GLT1D1: variants seen among roughly 807,000 people sequenced by gnomAD.
GLT1D1 encodes glycosyltransferase 1 domain containing 1, also known as glycosyltransferase 1 domain-containing protein 1.
GLT1D1 carries 21 observed loss-of-function variants against 28.7 expected under a neutral mutation model. That is an observed-to-expected ratio of 0.73 (90% CI 0.52 to 1.05). The LOEUF (loss-of-function observed/expected upper bound fraction) is 1.05. GLT1D1 is among the 50% of genes least tolerant of loss of function. The pLI, the probability that GLT1D1 is intolerant of heterozygous loss-of-function variation, is 0.00. For missense variants in GLT1D1, 343 were observed against 330.6 expected (o/e 1.04, Z -0.29); for synonymous variants, 147 against 124.8 (o/e 1.18, Z -1.19).
chr12:128,908,323 C>CTTCTTTCTTTCTTTCTTTCT (rs200053987), intron 4 of GLT1D1, among the ~76,000 whole-genome samples: 1,868 of 147,048 alleles, frequency 0.013, 24 homozygotes, highest in South Asian at 0.018. Flanking sequence ...TTTTACTTTC[C>CTTCTTTCTTTCTTTCTTTCT]TTCTTTCTTT....
intron 7 of GLT1D1, among the ~76,000 whole-genome samples, chr12:128,977,017 A>G (rs1266633770): frequency 6.6e-6 from 1 of 152,198 alleles, no homozygotes; most frequent in Non-Finnish European, 1.5e-5. Context: ...GTGGTGGCAC[A>G]AGCCTGTAAT....
chr12:128,912,434 A>C, intron 4 of GLT1D1: 2 of 1,527,128 alleles, frequency 1.3e-6, no homozygotes, highest in South Asian at 2.4e-5. Context: ...CCGCATGCTA[A>C]GGGTAAGGTC....
chr12:128,904,994 C>CTGTTGGCCAGG (rs1870701918), intron 4 of GLT1D1, among the ~76,000 whole-genome samples: 12 of 152,148 alleles, frequency 7.9e-5, no homozygotes, highest in Admixed American at 2.0e-4. Flanking sequence ...GTCTCGAACT[C>CTGTTGGCCAGG]CTGACCTCAA....
At chr12:128,943,355 CTTT>C (rs71449377) in intron 4 of GLT1D1, among the ~76,000 whole-genome samples, 1 of 144,822 alleles carries the variant, frequency 6.9e-6, no homozygotes, top group Admixed American at 6.9e-5. Context: ...TCTTTTCTCT[CTTT>C]TTTTTTTTTG....
intron 1 of GLT1D1, among the ~76,000 whole-genome samples, chr12:128,869,340 T>C (rs2135780789): frequency 6.6e-6 from 1 of 152,198 alleles, no homozygotes; most frequent in East Asian, 1.9e-4. Context: ...TGGCTACTTT[T>C]TGTATTTTTT....
At chr12:128,886,445 AG>A (rs1234375906) in intron 2 of GLT1D1, among the ~76,000 whole-genome samples, 1 of 152,098 alleles carries the variant, frequency 6.6e-6, no homozygotes, top group Non-Finnish European at 1.5e-5. Context: ...AGGCGGTGAC[AG>A]GGGAGCCTGT....
intron 4 of GLT1D1, among the ~76,000 whole-genome samples, chr12:128,937,944 G>A (rs904527795): frequency 6.6e-6 from 1 of 152,180 alleles, no homozygotes; most frequent in Non-Finnish European, 1.5e-5. Context: ...AACAGTGCGA[G>A]AACAGACGAA....
intron 4 of GLT1D1, among the ~76,000 whole-genome samples, chr12:128,935,416 C>G (rs1874444173): frequency 6.6e-6 from 1 of 151,906 alleles, no homozygotes; most frequent in Non-Finnish European, 1.5e-5. Context: ...TGGCACATGC[C>G]TGTAATCCCA....
intron 3 of GLT1D1, among the ~76,000 whole-genome samples, chr12:128,890,650 T>C (rs1013444124): frequency 3.3e-5 from 5 of 151,346 alleles, no homozygotes; most frequent in Admixed American, 3.3e-4. Context: ...CTGGGTGTGG[T>C]GGTGGGTACC....
At chr12:128,891,950 A>ATAT (rs1869110068) in intron 3 of GLT1D1, among the ~76,000 whole-genome samples, 1 of 152,078 alleles carries the variant, frequency 6.6e-6, no homozygotes, top group African/African-American at 2.4e-5. Flanking sequence ...TCTTAGGGAG[A>ATAT]TGTGAGACAT....
chr12:128,969,012 T>C (rs1878762286), intron 7 of GLT1D1, among the ~76,000 whole-genome samples: 1 of 152,084 alleles, frequency 6.6e-6, no homozygotes, highest in Non-Finnish European at 1.5e-5. Flanking sequence ...CATCTCCTTG[T>C]CTGTCTCTGT....
chr12:128,965,156 A>G (rs1878329106), intron 7 of GLT1D1, among the ~76,000 whole-genome samples: 1 of 152,226 alleles, frequency 6.6e-6, no homozygotes, highest in African/African-American at 2.4e-5. Flanking sequence ...AATCAAAGAT[A>G]TGAACTGTGT....
At chr12:128,920,514 A>G (rs988278456) in intron 4 of GLT1D1, among the ~76,000 whole-genome samples, 12 of 152,194 alleles carry the variant, frequency 7.9e-5, no homozygotes, top group African/African-American at 2.9e-4. Flanking sequence ...AGATTGCGGC[A>G]TTGCACTCCA....
At chr12:128,907,662 G>A (rs547653968) in intron 4 of GLT1D1, among the ~76,000 whole-genome samples, 25 of 152,294 alleles carry the variant, frequency 1.6e-4, no homozygotes, top group African/African-American at 5.8e-4. Context: ...TTTCTGGATG[G>A]AACTGCAAAT....
intron 7 of GLT1D1, among the ~76,000 whole-genome samples, chr12:128,968,371 A>G (rs1173242602): frequency 1.3e-5 from 2 of 151,450 alleles, no homozygotes; most frequent in Admixed American, 6.6e-5. Context: ...GTGGACTAAT[A>G]ATAATACAAG....
Position 128,858,670 on chromosome 12 carries a change from CAA to C in GLT1D1, c.68+5036_68+5037del, listed in dbSNP as rs139166927. ...TGGGCAACAGAGGGGGACTCAGTCT[CAA>C]AAAAAAAAAAAAAATCTCCATTAAC... On this transcript the variant is annotated intron_variant, in intron 1 of 7. Transcript: ENST00000281703. Among the ~76,000 whole-genome samples, 764 of 113,738 alleles carry C rather than the reference CAA, an allele frequency of 6.7e-3. 4 individuals carry two copies. Among genetic ancestry groups the C allele is most frequent in the African/African-American group, 0.022 (712 of 32,344 alleles). The allele number at this position is 113,738 out of a possible 152,430, so 74.6% of individuals were successfully genotyped here. A position where few individuals can be genotyped will look rare whatever the true frequency, so the allele number is the denominator to read the frequency against.
chr12:128,878,137 TGA>T (rs1159756968), intron 2 of GLT1D1, among the ~76,000 whole-genome samples: 6 of 152,202 alleles, frequency 3.9e-5, no homozygotes, highest in Admixed American at 3.9e-4. Flanking sequence ...CTATTCAGTG[TGA>T]GAGGGCACTA....
chr12:128,936,157 T>TC (rs1457152961), intron 4 of GLT1D1, among the ~76,000 whole-genome samples: 2 of 10,932 alleles, frequency 1.8e-4, no homozygotes, highest in South Asian at 2.3e-3. Flanking sequence ...ATAAAATATC[T>TC]TTTTTTTTTT....
intron 4 of GLT1D1, among the ~76,000 whole-genome samples, 166 bp from the exon 7 acceptor site, chr12:128,926,193 C>T (rs1048988638): frequency 1.4e-4 from 18 of 132,940 alleles, no homozygotes; most frequent in African/African-American, 4.2e-4. Context: ...GACTCTGTCT[C>T]AATAATAATA....
Sources: allele counts gnomAD v4.1 joint callset (sites outside exome capture counted in the v4.1 genomes callset), GRCh38; gene constraint gnomAD v4.1.1; transcripts MANE v1.5; gene names NCBI Gene and HGNC (gene_info 2026-07-23, HGNC 2026-07-21).